The following STX17 variants were observed in gnomAD, a reference collection of about 807,000 sequenced individuals.
STX17 encodes syntaxin 17.
A neutral mutation model predicts 35.9 loss-of-function variants in STX17; 29 were observed. That is an observed-to-expected ratio of 0.81 (90% CI 0.60 to 1.10). STX17 has a LOEUF of 1.10. Ranked by LOEUF, STX17 falls within the 50% of genes least tolerant of loss-of-function variation. The pLI is 0.00. For missense variants in STX17, 312 were observed against 352.3 expected (o/e 0.89, Z 0.92); for synonymous variants, 92 against 118.3 (o/e 0.78, Z 1.44).
intron 3 of STX17, among the ~76,000 whole-genome samples, chr9:99,938,802 G>A (rs1238548550): frequency 2.0e-5 from 3 of 150,212 alleles, no homozygotes; most frequent in Non-Finnish European, 1.5e-5. Context: ...AAGGAAGGGA[G>A]GGAGGGAGGG....
intron 3 of STX17, among the ~76,000 whole-genome samples, chr9:99,933,460 C>T (rs1037122179): frequency 1.3e-5 from 2 of 152,176 alleles, no homozygotes; most frequent in African/African-American, 4.8e-5. Context: ...AGTCCATACA[C>T]AGTCTTGTTG....
intron 3 of STX17, among the ~76,000 whole-genome samples, chr9:99,948,144 C>G (rs1043551737): frequency 6.6e-6 from 1 of 151,936 alleles, no homozygotes; most frequent in Non-Finnish European, 1.5e-5. Context: ...CCTAGTTGCC[C>G]TATCCAATGT....
intron 1 of STX17, among the ~76,000 whole-genome samples, chr9:99,912,997 T>C (rs1252729672): frequency 6.6e-6 from 1 of 152,172 alleles, no homozygotes; most frequent in South Asian, 2.1e-4. Context: ...TTTTAAATGA[T>C]AATTTACCTG....
chr9:99,963,816 C>T (rs1336233287), intron 6 of STX17, among the ~76,000 whole-genome samples: 1 of 151,994 alleles, frequency 6.6e-6, no homozygotes, highest in African/African-American at 2.4e-5. Context: ...CTTATTTTGC[C>T]TATATATCAT....
intron 6 of STX17, among the ~76,000 whole-genome samples, chr9:99,965,681 T>A (rs1829898861): frequency 6.6e-6 from 1 of 152,216 alleles, no homozygotes; most frequent in Non-Finnish European, 1.5e-5. Flanking sequence ...AGTTTTGCTA[T>A]TGAGGAAAAT....
Position 99,949,364 on chromosome 9 carries a change from A to AT in STX17, c.190-1687dup, listed in dbSNP as rs111449688. ...AGATGCTTTAGGTTGTAACTAAACT[A>AT]TTTTTTTTTCTAGAATTGACTTTAA... On this transcript the variant is annotated intron_variant, in intron 3 of 7. Transcript: ENST00000259400. 3.2e-4 allele frequency among the ~76,000 whole-genome samples: 48 copies of AT among 151,316 alleles called. 1 individual carries two copies. Among genetic ancestry groups the AT allele is most frequent in the Admixed American group, 1.1e-3 (16 of 15,180 alleles).
At chr9:99,914,903 CATTTTGTACT>C (rs1319093101) in intron 1 of STX17, among the ~76,000 whole-genome samples, 1 of 151,988 alleles carries the variant, frequency 6.6e-6, no homozygotes, top group East Asian at 1.9e-4. Flanking sequence ...GTAAAGAGTA[CATTTTGTACT>C]CTTTGTAAAA....
At chr9:99,968,294 C>A (rs543024815) in intron 7 of STX17, 140 bp from the exon 8 acceptor site, 5 of 1,054,814 alleles carry the variant, frequency 4.7e-6, no homozygotes, top group East Asian at 5.4e-5. Context: ...TCTTTTCCCC[C>A]CTACAAGTAC....
intron 6 of STX17, among the ~76,000 whole-genome samples, chr9:99,964,267 A>G (rs536942186): frequency 6.6e-6 from 1 of 152,290 alleles, no homozygotes; most frequent in South Asian, 2.1e-4. Flanking sequence ...CTTGACAAGT[A>G]TAATAAATCA....
At chr9:99,942,367 T>C (rs1379056887) in intron 3 of STX17, among the ~76,000 whole-genome samples, 1 of 152,226 alleles carries the variant, frequency 6.6e-6, no homozygotes, top group Non-Finnish European at 1.5e-5. Context: ...GTGTTGCAGA[T>C]ATCTTCTGCC....
chr9:99,935,016 G>T (rs1355843949), intron 3 of STX17, among the ~76,000 whole-genome samples: 4 of 152,036 alleles, frequency 2.6e-5, no homozygotes, highest in African/African-American at 9.7e-5. Flanking sequence ...GAGAACAAAA[G>T]AGAGAAGTTG....
chr9:99,935,431 T>C (rs1829213079), intron 3 of STX17, among the ~76,000 whole-genome samples: 1 of 152,114 alleles, frequency 6.6e-6, no homozygotes, highest in Non-Finnish European at 1.5e-5. Flanking sequence ...TTTTAAAAAC[T>C]TATGTCAGTG....
intron 3 of STX17, among the ~76,000 whole-genome samples, chr9:99,929,413 A>T (rs1362611577): frequency 2.0e-5 from 3 of 151,776 alleles, no homozygotes; most frequent in Non-Finnish European, 4.4e-5. Context: ...CATAATTTTT[A>T]AAAATAATAT....
At chr9:99,947,653 T>C (rs1249255168) in intron 3 of STX17, among the ~76,000 whole-genome samples, 2 of 152,206 alleles carry the variant, frequency 1.3e-5, no homozygotes. Flanking sequence ...TGTGAGCTAC[T>C]CGAGACTGGA....
chr9:99,963,165 C>CT (rs1256637302), intron 6 of STX17, among the ~76,000 whole-genome samples: 9 of 152,240 alleles, frequency 5.9e-5, no homozygotes, highest in Admixed American at 1.3e-4. Context: ...ATAAAAAGAA[C>CT]TTACAAAGCC....
At chr9:99,952,914 A>G (rs1013566568) in intron 4 of STX17, among the ~76,000 whole-genome samples, 1 of 151,678 alleles carries the variant, frequency 6.6e-6, no homozygotes, top group Admixed American at 6.6e-5. Context: ...GCATTAGGAG[A>G]TATACCTAAG....
At chr9:99,947,813 A>G (rs1192682265) in intron 3 of STX17, among the ~76,000 whole-genome samples, 1 of 152,118 alleles carries the variant, frequency 6.6e-6, no homozygotes, top group Non-Finnish European at 1.5e-5. Context: ...TTGTGAGTTT[A>G]TATTCTGGTA....
chr9:99,938,108 T>C (rs1476239479), intron 3 of STX17: 1 of 152,298 alleles, frequency 6.6e-6, no homozygotes, highest in Non-Finnish European at 1.5e-5. Context: ...CTCTAACTTT[T>C]TCAGGTGGTT....
intron 3 of STX17, among the ~76,000 whole-genome samples, chr9:99,929,646 G>T (rs1829070339): frequency 6.6e-6 from 1 of 150,706 alleles, no homozygotes. Flanking sequence ...TTCCTACCTT[G>T]CTCTCCTACT....
Sources: allele counts gnomAD v4.1 joint callset (sites outside exome capture counted in the v4.1 genomes callset), GRCh38; gene constraint gnomAD v4.1.1; transcripts MANE v1.5; gene names NCBI Gene and HGNC (gene_info 2026-07-23, HGNC 2026-07-21).